The following CTDSP1 variants were observed in gnomAD, a reference collection of about 807,000 sequenced individuals.
The protein encoded by CTDSP1 is CTD small phosphatase 1.
CTDSP1 carries 15 observed loss-of-function variants against 32.5 expected under a neutral mutation model. The observed-to-expected ratio is 0.46, with a 90% CI of 0.31 to 0.71. CTDSP1 has a LOEUF of 0.71. Ranked by LOEUF, CTDSP1 falls within the 30% of genes least tolerant of loss-of-function variation. CTDSP1 has a pLI of 0.05. For missense variants in CTDSP1, 294 were observed against 351.1 expected (o/e 0.84, Z 1.30); for synonymous variants, 185 against 145.4 (o/e 1.27, Z -1.96).
intron 6 of CTDSP1, chr2:218,403,665 T>C (rs959857377): frequency 1.7e-5 from 7 of 420,048 alleles, no homozygotes; most frequent in Non-Finnish European, 2.9e-5. Context: ...CAACGGAGTT[T>C]GGAAAGTTTC....
chr2:218,402,749 C>G lies in CTDSP1; in HGVS notation c.379-286C>G, dbSNP rs770595296. The G allele has an allele frequency of 4.0e-6, 3 of 742,944 alleles. No homozygotes were observed. The East Asian group carries it at 7.6e-5, about 19-fold the overall frequency. 46.0% of individuals were successfully genotyped at this position (742,944 alleles called of 1,614,324 possible). A position where few individuals can be genotyped will look rare whatever the true frequency, so the allele number is the denominator to read the frequency against. ...GCCCTGCAGCCTTGGGGTGAGGGGG[C>G]TGCCCCTGGATTCCTGCACTAGGCT... On this transcript the variant is annotated intron_variant, in intron 4 of 6. Coordinates refer to ENST00000273062, the MANE Select transcript of CTDSP1 (RefSeq NM_021198.3).
upstream of CTDSP1, chr2:218,396,900 C>T (rs1037727510): frequency 4.6e-5 from 7 of 152,414 alleles, no homozygotes; most frequent in Non-Finnish European, 1.0e-4. Context: ...AAGGACCCCA[C>T]ACTCCAGCGG....
At chr2:218,398,567 C>G, upstream of CTDSP1, 1 of 886,304 alleles carries the variant, frequency 1.1e-6, no homozygotes, top group African/African-American at 1.8e-5. Flanking sequence ...CCGCTCCCCT[C>G]CCTTCCCCTC....
intron 2 of CTDSP1, 117 bp downstream of exon 2, chr2:218,401,829 G>C: frequency 9.5e-7 from 1 of 1,055,754 alleles, no homozygotes; most frequent in East Asian, 2.6e-5. Flanking sequence ...AAGGTGCAGA[G>C]TAGGAGGGTG....
intron 4 of CTDSP1, chr2:218,402,629 C>G (rs201501044): frequency 2.6e-6 from 2 of 762,882 alleles, no homozygotes; most frequent in Non-Finnish European, 4.9e-6. Flanking sequence ...GTGCTGTGCT[C>G]CCTCGCCCCA....
Position 218,401,646 on chromosome 2 carries a change from T to C in CTDSP1, c.150T>C (p.Asp50=), listed in dbSNP as rs1166253705. 7 of 1,612,798 alleles carry C rather than the reference T, an allele frequency of 4.3e-6. No individual in the cohort carries two copies. In the African/African-American group the frequency reaches 9.3e-5, roughly 22 times the overall value. The part of the protein sequence containing the change: ...HSLFCCVCRD[D]GEALPAHSGA... ...TCTTCTGCTGTGTCTGCCGGGATGA[T>C]GGGGAGGCCCTGCCTGCTCACAGCG... The change falls in exon 2 of 7, where the codon GAT becomes GAC. Residue 50 remains aspartate (D), a synonymous_variant. Coordinates refer to ENST00000273062, the MANE Select transcript of CTDSP1 (RefSeq NM_021198.3).
Position 218,401,847 on chromosome 2 carries a change from C to CCCCTGCCAGG in CTDSP1, c.216+143_216+152dup, listed in dbSNP as rs528129011. On this transcript the variant is annotated intron_variant, in intron 2 of 6. Transcript: ENST00000273062. Reference sequence around the variant, plus strand: ...GTGCAGAGTAGGAGGGTGGCAGCCTCCCCTGCCAGGCCCTGCCCACTGTGG... The same window carrying CCCCTGCCAGG: ...GTGCAGAGTAGGAGGGTGGCAGCCTCCCCTGCCAGGCCCTGCCAGGCCCTGCCCACTGTGG... 5.5e-4 allele frequency: 481 copies of CCCCTGCCAGG among 878,102 alleles called. 1 individual carries two copies. The highest frequency in any genetic ancestry group is 7.7e-4 in the Non-Finnish European group (454 of 589,774). The allele number at this position is 878,102 out of a possible 1,614,324, so 54.4% of individuals were successfully genotyped here.
At chr2:218,400,352 G>A in intron 1 of CTDSP1, 195 bp downstream of exon 1, 1 of 693,114 alleles carries the variant, frequency 1.4e-6, no homozygotes, top group Non-Finnish European at 2.6e-6. Flanking sequence ...GGGGCCTGGC[G>A]CCTTTGGGGC....
chr2:218,404,157 G>A, intron 6 of CTDSP1, 140 bp from the exon 7 acceptor site: 1 of 925,312 alleles, frequency 1.1e-6, no homozygotes, highest in Non-Finnish European at 1.7e-6. Context: ...CCTGGGGATT[G>A]CTGTCAAAAA....
upstream of CTDSP1, chr2:218,399,839 C>T (rs529422620): frequency 1.5e-4 from 186 of 1,213,638 alleles, no homozygotes; most frequent in African/African-American, 2.6e-3. Context: ...TAAGGGGGAG[C>T]CTTGAAACGG....
rs1697146176 is a variant in CTDSP1 at position 218,401,637 on chromosome 2, C to T, written c.141C>T (p.Cys47=). Residue 47 remains cysteine, a synonymous_variant, in exon 2 of 7, where the codon TGC becomes TGT. Coordinates refer to ENST00000273062, the MANE Select transcript of CTDSP1 (RefSeq NM_021198.3). The part of the protein sequence containing the change: ...GILHSLFCCV[C]RDDGEALPAH... ...TCCACTCACTCTTCTGCTGTGTCTG[C>T]CGGGATGATGGGGAGGCCCTGCCTG... 1.2e-6 allele frequency: 2 copies of T among 1,612,908 alleles called. No individual in the cohort carries two copies. Among genetic ancestry groups the T allele is most frequent in the South Asian group, 1.1e-5 (1 of 91,002 alleles).
intron 1 of CTDSP1, chr2:218,400,585 G>C (rs1372277280): frequency 2.6e-6 from 1 of 385,028 alleles, no homozygotes; most frequent in Non-Finnish European, 5.2e-6. Context: ...AGGGTCTTGG[G>C]AGGGGGCGCC....
chr2:218,400,897 G>T (rs112233275), intron 1 of CTDSP1: 13 of 456,400 alleles, frequency 2.8e-5, no homozygotes, highest in African/African-American at 2.0e-4. Context: ...GCTGCCCCCA[G>T]GTCTGCCCAC....
chr2:218,399,799 G>A (rs1003685341), upstream of CTDSP1: 53 of 1,120,910 alleles, frequency 4.7e-5, no homozygotes, highest in African/African-American at 1.3e-4. Context: ...CCGCAGCCGA[G>A]TCCAGGTCAC....
intron 3 of CTDSP1, 66 bp from the exon 4 acceptor site, chr2:218,402,283 G>A (rs1697184772): frequency 1.2e-6 from 2 of 1,611,890 alleles, no homozygotes; most frequent in African/African-American, 2.7e-5. Context: ...CTGGGAGGGA[G>A]GTGTGTGCTG....
intron 4 of CTDSP1, 174 bp from the exon 5 acceptor site, chr2:218,402,861 G>A: frequency 1.5e-6 from 1 of 661,136 alleles, no homozygotes; most frequent in South Asian, 1.7e-5. Flanking sequence ...TCGTTTTCTG[G>A]CGGGGGGTGG....
At chr2:218,398,509 C>A, upstream of CTDSP1, 1 of 1,408,884 alleles carries the variant, frequency 7.1e-7, no homozygotes, top group Non-Finnish European at 9.4e-7. Context: ...CCCTCCCGCC[C>A]CTACTCCCAG....
chr2:218,398,639 G>A (rs1416510053), upstream of CTDSP1: 13 of 425,290 alleles, frequency 3.1e-5, no homozygotes, highest in Middle Eastern at 6.4e-4. Flanking sequence ...GCGGACGTGC[G>A]CCGCGTCGCA....
Position 218,400,211 on chromosome 2 carries a change from G to A in CTDSP1, c.67+54G>A, listed in dbSNP as rs1010973882. On this transcript the variant is annotated intron_variant, in intron 1 of 6. Transcript: ENST00000273062. ...GCCGGGGCGCCGTGGGAGGAGAGAA[G>A]GGGCCGGGATCTTCCCCAGGGGAGC... The A allele has an allele frequency of 6.1e-5, 91 of 1,489,608 alleles. No homozygotes were observed. In the Admixed American group the frequency reaches 9.9e-4, roughly 16 times the overall value. 92.3% of individuals were successfully genotyped at this position (1,489,608 alleles called of 1,614,324 possible). A position where few individuals can be genotyped will look rare whatever the true frequency, so the allele number is the denominator to read the frequency against.
Sources: allele counts gnomAD v4.1 joint callset, GRCh38; gene constraint gnomAD v4.1.1; transcripts MANE v1.5; gene names NCBI Gene and HGNC (gene_info 2026-07-23, HGNC 2026-07-21).